Variants in SLC20A2 observed in about 807,000 individuals in gnomAD.
SLC20A2 encodes sodium-dependent phosphate transporter 2.
Under a neutral mutation model 61.0 loss-of-function variants are expected in SLC20A2, and 30 were observed. The observed-to-expected ratio is 0.49, with a 90% CI of 0.37 to 0.67. The LOEUF is 0.67. SLC20A2 is among the 30% of genes least tolerant of loss of function. SLC20A2 has a pLI of 0.00. For missense variants in SLC20A2, 626 were observed against 866.4 expected (o/e 0.72, Z 3.48); for synonymous variants, 351 against 353.3 (o/e 0.99, Z 0.07).
chr8:42,538,273 G>T (rs1292011412), intron 1 of SLC20A2: 2 of 147,554 alleles, frequency 1.4e-5, no homozygotes, highest in Admixed American at 6.8e-5. Flanking sequence ...TATATTATAG[G>T]TATTATATAA....
rs532843851 is a variant in SLC20A2 at position 42,444,736 on chromosome 8, C to G, written c.640G>C (p.Ala214Pro). ...PVLGLVLPMW[A>P]IALISFGVAL... ...ACACCAAAGGAAATGAGGGCTATGG[C>G]CCACATGGGGAGAACAAGGCCGAGC... is the stretch of plus-strand genomic sequence containing the variant. Residue 214 changes from alanine (A) to proline (P), a missense_variant, in exon 6 of 11, where the codon GCC (alanine) becomes CCC (proline). By Grantham distance (27) the Ala-to-Pro change is conservative (BLOSUM62 -1). This residue lies in a region of SLC20A2 where 361 missense variants were observed against 422.3 expected (regional missense o/e 0.85). Coordinates refer to ENST00000520262, the MANE Select transcript of SLC20A2 (RefSeq NM_001257180.2). 78 of 1,613,846 alleles carry G rather than the reference C, an allele frequency of 4.8e-5. No homozygotes were observed. Among genetic ancestry groups the G allele is most frequent in the Non-Finnish European group, 2.5e-5 (29 of 1,179,816 alleles).
At chr8:42,418,230 G>A (rs1266190588) in intron 10 of SLC20A2, among the ~76,000 whole-genome samples, 1 of 152,206 alleles carries the variant, frequency 6.6e-6, no homozygotes, top group Non-Finnish European at 1.5e-5. Context: ...GCAGTGGTGT[G>A]ATCTCAGCTT....
chr8:42,467,854 C>G (rs1409801715), intron 2 of SLC20A2, among the ~76,000 whole-genome samples: 3 of 152,132 alleles, frequency 2.0e-5, no homozygotes, highest in African/African-American at 7.2e-5. Flanking sequence ...AAAAAGAAAG[C>G]CAGGGTTTGG....
chr8:42,536,517 C>T (rs1386627252), intron 1 of SLC20A2: 1 of 152,238 alleles, frequency 6.6e-6, no homozygotes, highest in Non-Finnish European at 1.5e-5. Context: ...CCGATGCCCC[C>T]AAAATCATAC....
intron 4 of SLC20A2, among the ~76,000 whole-genome samples, chr8:42,460,999 C>T (rs925408509): frequency 1.6e-4 from 24 of 152,186 alleles, no homozygotes; most frequent in African/African-American, 5.3e-4. Context: ...AATGCAAACA[C>T]GCCTGGAAGT....
intron 5 of SLC20A2, among the ~76,000 whole-genome samples, chr8:42,455,711 T>TAC (rs1806146087): frequency 6.6e-6 from 1 of 152,146 alleles, no homozygotes; most frequent in Non-Finnish European, 1.5e-5. Context: ...CTATATTACA[T>TAC]ACCAGGTATT....
chr8:42,439,308 G>C (rs1804576615), intron 7 of SLC20A2, 142 bp downstream of exon 7: 5 of 743,300 alleles, frequency 6.7e-6, no homozygotes, highest in East Asian at 5.4e-5. Context: ...GGCCTCCCTA[G>C]CTTCTGGGTT....
At chr8:42,514,486 G>C (rs945179813) in intron 1 of SLC20A2, among the ~76,000 whole-genome samples, 2 of 152,172 alleles carry the variant, frequency 1.3e-5, no homozygotes, top group Admixed American at 6.5e-5. Context: ...GGCTGGGCGC[G>C]GTGGCTCATG....
At chr8:42,445,765 G>A (rs1284117941) in intron 5 of SLC20A2, among the ~76,000 whole-genome samples, 1 of 152,014 alleles carries the variant, frequency 6.6e-6, no homozygotes, top group Admixed American at 6.6e-5. Flanking sequence ...AAAGAAAGGA[G>A]TCAGCTGTCT....
At chr8:42,465,436 A>G (rs932182514) in intron 3 of SLC20A2, among the ~76,000 whole-genome samples, 2 of 151,850 alleles carry the variant, frequency 1.3e-5, no homozygotes, top group Non-Finnish European at 2.9e-5. Context: ...GCTCACGCCT[A>G]TAATCCTGGC....
intron 1 of SLC20A2, among the ~76,000 whole-genome samples, chr8:42,514,766 A>G (rs1811231752): frequency 6.7e-6 from 1 of 149,924 alleles, no homozygotes; most frequent in Non-Finnish European, 1.5e-5. Context: ...TGAAAAAAAA[A>G]AAGAAAAAAA....
rs1586233917 is a variant in SLC20A2 at position 42,508,418 on chromosome 8, C to CT, written c.-265+33402dup. ...CGCTCTGTTTGTTTTGAGACGGAGTCTCGCTCTGTAACCCCAGGCTGGAGT... is the reference window on the plus strand; with the variant it reads ...CGCTCTGTTTGTTTTGAGACGGAGTCTTCGCTCTGTAACCCCAGGCTGGAGT... On this transcript the variant is annotated intron_variant, in intron 1 of 10. Coordinates refer to the SLC20A2 transcript ENST00000342228. Among the ~76,000 whole-genome samples, 4 of 152,262 alleles carry CT rather than the reference C, an allele frequency of 2.6e-5. No individual in the cohort carries two copies. The East Asian group carries it at 7.8e-4, about 30-fold the overall frequency.
chr8:42,532,011 T>C (rs567010489), intron 1 of SLC20A2, among the ~76,000 whole-genome samples: 1 of 150,924 alleles, frequency 6.6e-6, no homozygotes, highest in Non-Finnish European at 1.5e-5. Context: ...GTATTTTTAG[T>C]AGAGACGGGG....
intron 8 of SLC20A2, among the ~76,000 whole-genome samples, chr8:42,430,583 G>C (rs569878661): frequency 2.0e-5 from 3 of 152,014 alleles, no homozygotes; most frequent in Non-Finnish European, 2.9e-5. Flanking sequence ...GGCTGGTCTC[G>C]AACCCCTGAC....
At chr8:42,474,368 A>G (rs775000035) in intron 1 of SLC20A2, among the ~76,000 whole-genome samples, 6 of 152,198 alleles carry the variant, frequency 3.9e-5, no homozygotes, top group Non-Finnish European at 5.9e-5. Flanking sequence ...TCGATGTGCA[A>G]TGCTATAGGC....
At chr8:42,534,009 G>C (rs547278513) in intron 1 of SLC20A2, among the ~76,000 whole-genome samples, 1 of 151,902 alleles carries the variant, frequency 6.6e-6, no homozygotes, top group Admixed American at 6.6e-5. Context: ...GCTTCTTACT[G>C]CCTGCCCCTC....
chr8:42,538,983 C>T (rs919088825), intron 1 of SLC20A2, among the ~76,000 whole-genome samples: 2 of 152,124 alleles, frequency 1.3e-5, no homozygotes, highest in African/African-American at 4.8e-5. Flanking sequence ...AGATCGAGAC[C>T]ATCCTGGCTA....
Position 42,437,314 on chromosome 8 carries a change from C to A in SLC20A2, c.1198G>T (p.Ala400Ser), listed in dbSNP as rs116194858. 1.9e-6 allele frequency: 3 copies of A among 1,614,198 alleles called. No homozygotes were observed. The South Asian group carries it at 3.3e-5, about 18-fold the overall frequency. ...TAAICGLPVH[A>S]TFRAADSSAP... ...GATGAGTCCGCAGCTCGAAAGGTGG[C>A]GTGCACTGGCAGCCCACAAATGGCT... The change falls in exon 8 of 11, where the codon GCC (alanine) becomes TCC (serine). Residue 400 changes from alanine to serine, a missense_variant. Physicochemically the swap from Ala to Ser is moderately conservative, Grantham distance 99. Transcript: ENST00000520262. This position sits in a 1 kb window ranked among gnomAD's most constrained non-coding sequence, Gnocchi z 6.4.
At chr8:42,425,613 T>C (rs1163499180) in intron 10 of SLC20A2, among the ~76,000 whole-genome samples, 1 of 152,220 alleles carries the variant, frequency 6.6e-6, no homozygotes, top group African/African-American at 2.4e-5. Context: ...ATCAATGATA[T>C]CGGACAAACT....
Sources: gnomAD v4.1 joint callset for allele counts (sites outside exome capture counted in the v4.1 genomes callset) on GRCh38, gnomAD v4.1.1 for gene constraint, gnomAD v4.1.1 regional missense constraint, Gnocchi (gnomAD v3.1) non-coding constraint, MANE v1.5 for transcripts, NCBI Gene and HGNC (gene_info 2026-07-23, HGNC 2026-07-21) for gene names.